Variants in GPCPD1 observed in about 807,000 individuals in gnomAD.
GPCPD1 encodes glycerophosphocholine phosphodiesterase GPCPD1.
A neutral mutation model predicts 89.2 loss-of-function variants in GPCPD1; 29 were observed. That is an observed-to-expected ratio of 0.33 (90% confidence interval 0.24 to 0.44). The LOEUF is 0.44. GPCPD1 is among the 20% of genes least tolerant of loss of function. GPCPD1 has a pLI of 1.00. For missense variants in GPCPD1, 594 were observed against 808.9 expected (o/e 0.73, Z 3.22); for synonymous variants, 258 against 266.3 (o/e 0.97, Z 0.30).
At chr20:5,566,199 A>G (rs1426763982) in intron 14 of GPCPD1, among the ~76,000 whole-genome samples, 2 of 152,248 alleles carry the variant, frequency 1.3e-5, no homozygotes, top group East Asian at 3.8e-4. Flanking sequence ...CTCTGGGAAT[A>G]TAAAAACATT....
At chr20:5,582,173 G>GAGACT (rs1978562970) in intron 6 of GPCPD1, among the ~76,000 whole-genome samples, 1 of 102,442 alleles carries the variant, frequency 9.8e-6, no homozygotes, top group Non-Finnish European at 1.7e-5. Flanking sequence ...GCGACAGAGC[G>GAGACT]AGACTCCCGT....
In GPCPD1 at chr20:5,557,825, A is replaced by G. The variant is rs1985861745; in HGVS notation, c.1829+120T>C. 3 of 597,002 alleles carry G rather than the reference A, an allele frequency of 5.0e-6. No individual in the cohort carries two copies. The South Asian group carries it at 6.8e-5, about 14-fold the overall frequency. The allele number at this position is 597,002 out of a possible 1,614,324, so 37.0% of individuals were successfully genotyped here. ...TGAAAACACCCACAGGCAAATGTCA[A>G]GATAACCTCAGGCTGAACTGCAGAA... On this transcript the variant is annotated intron_variant, in intron 19 of 19. Transcript: ENST00000379019.
intron 15 of GPCPD1, 63 bp downstream of exon 15, chr20:5,564,954 G>A (rs1436592040): frequency 2.5e-6 from 2 of 813,428 alleles, no homozygotes; most frequent in Non-Finnish European, 2.1e-6. Flanking sequence ...AGAAACAAAA[G>A]TAAATTATTC....
At chr20:5,604,649 A>AAAAAAAT (rs1980441454) in intron 1 of GPCPD1, among the ~76,000 whole-genome samples, 1 of 148,954 alleles carries the variant, frequency 6.7e-6, no homozygotes, top group Non-Finnish European at 1.5e-5. Context: ...GTGAAAAAGC[A>AAAAAAAT]AAAAAATAAA....
At chr20:5,591,952 C>T (rs1979356906) in intron 4 of GPCPD1, among the ~76,000 whole-genome samples, 1 of 152,192 alleles carries the variant, frequency 6.6e-6, no homozygotes, top group African/African-American at 2.4e-5. Flanking sequence ...AGGAGAAAAA[C>T]TTGTTTTTAC....
rs533135193 is a variant in GPCPD1, at chr20:5,593,439, A to G, written c.147-28T>C. On this transcript the variant is annotated intron_variant, in intron 3 of 19. Coordinates refer to ENST00000379019, the MANE Select transcript of GPCPD1 (RefSeq NM_019593.5). ...GTGAAGAAAGAAAATTAAAAGCAGC[A>G]GCATCAATATCAAACTACAGTGCAT... 9.1e-6 allele frequency: 11 copies of G among 1,212,588 alleles called. No homozygotes were observed. The African/African-American group carries it at 1.6e-4, about 18-fold the overall frequency. The allele number at this position is 1,212,588 out of a possible 1,614,324, so 75.1% of individuals were successfully genotyped here. A position where few individuals can be genotyped will look rare whatever the true frequency, so the allele number is the denominator to read the frequency against.
chr20:5,599,795 T>G (rs946025832), intron 2 of GPCPD1, among the ~76,000 whole-genome samples: 3 of 152,126 alleles, frequency 2.0e-5, no homozygotes, highest in Non-Finnish European at 4.4e-5. Flanking sequence ...TCAGGTGATC[T>G]GCCCGCCTTG....
chr20:5,575,152 C>T (rs967708919), intron 10 of GPCPD1, among the ~76,000 whole-genome samples: 7 of 152,196 alleles, frequency 4.6e-5, no homozygotes, highest in Non-Finnish European at 8.8e-5. Context: ...CAGACACACA[C>T]ACTGATGCTC....
Position 5,608,622 on chromosome 20 carries a change from GAA to G in GPCPD1, c.-29+2218_-29+2219del, listed in dbSNP as rs11475484. Among the ~76,000 whole-genome samples, 727 of 150,070 alleles carry G rather than the reference GAA, an allele frequency of 4.8e-3. 6 individuals are homozygous for G. The highest frequency in any genetic ancestry group is 0.017 in the African/African-American group (683 of 41,138). On this transcript the variant is annotated intron_variant, in intron 1 of 19. Coordinates refer to ENST00000379019, the MANE Select transcript of GPCPD1 (RefSeq NM_019593.5). ...CATACACCTTCTTCTAAACAAGGAA[GAA>G]AAAAAAAAATCACAACTTGGAAAGG...
intron 1 of GPCPD1, among the ~76,000 whole-genome samples, chr20:5,606,323 G>A (rs1980583747): frequency 1.3e-5 from 2 of 150,756 alleles, no homozygotes; most frequent in Admixed American, 6.6e-5. Context: ...AATGTTACAA[G>A]AATTCCAATC....
Position 5,545,713 on chromosome 20 carries a change from G to A in GPCPD1, c.*1948C>T, listed in dbSNP as rs1486081965. 6.6e-6 allele frequency: 1 copy of A among 152,258 alleles called. No individual in the cohort carries two copies. Among genetic ancestry groups the A allele is most frequent in the Non-Finnish European group, 1.5e-5 (1 of 68,080 alleles). The allele number at this position is 152,258 out of a possible 1,614,324, so 9.4% of individuals were successfully genotyped here. On this transcript the variant is annotated 3_prime_UTR_variant, in exon 20 of 20. Transcript: ENST00000379019. Reference sequence around the variant, plus strand: ...ATGTTTTAATCATCTACTAACACTGGTTCATAAGGTCAGGAAGAGATAGGA... The same window carrying A: ...ATGTTTTAATCATCTACTAACACTGATTCATAAGGTCAGGAAGAGATAGGA...
intron 8 of GPCPD1, among the ~76,000 whole-genome samples, chr20:5,576,852 A>T (rs182528103): frequency 1.3e-3 from 200 of 152,222 alleles, no homozygotes; most frequent in African/African-American, 4.5e-3. Flanking sequence ...AAGTAAAGGG[A>T]AGGTAGGACA....
intron 19 of GPCPD1, among the ~76,000 whole-genome samples, chr20:5,554,528 A>C (rs1985638536): frequency 6.6e-6 from 1 of 152,210 alleles, no homozygotes; most frequent in African/African-American, 2.4e-5. Flanking sequence ...CCAGAAATGC[A>C]ACAAAGTCTG....
chr20:5,583,225 C>CAAAAAAAAAAAAAAAAAAAAAAA (rs35153907), intron 6 of GPCPD1, among the ~76,000 whole-genome samples: 1 of 64,256 alleles, frequency 1.6e-5, no homozygotes. Context: ...AACTCCATCT[C>CAAAAAAAAAAAAAAAAAAAAAAA]AAAAAAAAAA....
intron 19 of GPCPD1, chr20:5,548,125 ATG>A (rs1985137701): frequency 4.7e-6 from 1 of 212,664 alleles, no homozygotes. Context: ...AGAAAATGAA[ATG>A]TCTAGTTTAC....
intron 4 of GPCPD1, among the ~76,000 whole-genome samples, chr20:5,588,978 TAATC>T (rs1472828545): frequency 6.6e-6 from 1 of 152,236 alleles, no homozygotes; most frequent in Non-Finnish European, 1.5e-5. Context: ...TATCTTTACT[TAATC>T]AAGTAAGAAT....
Position 5,598,705 on chromosome 20 carries a change from C to A in GPCPD1, c.146+20G>T, listed in dbSNP as rs1381454158. On this transcript the variant is annotated intron_variant, in intron 3 of 19. Transcript: ENST00000379019. The stretch of plus-strand genomic sequence containing the variant: ...GGTTAATGTCACAGTTATTCTGTAA[C>A]CTCACATTTCCATACTCACCTTTCA... The A allele has an allele frequency of 7.2e-7, 1 of 1,381,522 alleles. No individual in the cohort carries two copies. Among genetic ancestry groups the A allele is most frequent in the Admixed American group, 1.7e-5 (1 of 59,686 alleles). The allele number at this position is 1,381,522 out of a possible 1,614,324, so 85.6% of individuals were successfully genotyped here.
Position 5,566,774 on chromosome 20 carries a change from T to C in GPCPD1, c.1228-2A>G. 2 of 1,577,018 alleles carry C rather than the reference T, an allele frequency of 1.3e-6. No homozygotes were observed. The highest frequency in any genetic ancestry group is 1.7e-6 in the Non-Finnish European group (2 of 1,146,474). ...TTTCAGTGCAGTCACATGAGTGAGCTAGAAAGCACACAAACAAAATGAAAT... is the reference window on the plus strand; with the variant it reads ...TTTCAGTGCAGTCACATGAGTGAGCCAGAAAGCACACAAACAAAATGAAAT... On this transcript the variant is annotated splice_acceptor_variant, in intron 13 of 19. Coordinates refer to ENST00000379019, the MANE Select transcript of GPCPD1 (RefSeq NM_019593.5). LOFTEE classifies it high-confidence loss of function.
intron 1 of GPCPD1, among the ~76,000 whole-genome samples, chr20:5,606,288 C>G (rs1980578233): frequency 2.0e-5 from 3 of 151,996 alleles, no homozygotes; most frequent in Admixed American, 2.0e-4. Flanking sequence ...CAACACCCCT[C>G]AAAAAAACCT....
Sources: gnomAD v4.1 joint callset for allele counts (sites outside exome capture counted in the v4.1 genomes callset) on GRCh38, gnomAD v4.1.1 for gene constraint, MANE v1.5 for transcripts, NCBI Gene and HGNC (gene_info 2026-07-23, HGNC 2026-07-21) for gene names.